HUNK: variants seen among roughly 807,000 people sequenced by gnomAD.
HUNK encodes hormonally up-regulated Neu-associated kinase, also known as hormonally up-regulated neu tumor-associated kinase.
Under a neutral mutation model 61.0 loss-of-function variants are expected in HUNK, and 21 were observed. The observed-to-expected ratio is 0.34, with a 90% CI of 0.24 to 0.50. HUNK has a LOEUF of 0.50. Ranked by LOEUF, HUNK falls within the 20% of genes least tolerant of loss-of-function variation. The pLI, the probability that HUNK is intolerant of heterozygous loss-of-function variation, is 0.98. For synonymous variants in HUNK, 371 were observed against 386.1 expected (o/e 0.96, Z 0.46); for missense variants, 772 against 945.7 (o/e 0.82, Z 2.41).
chr21:31,980,330 A>C (rs1207836977), intron 7 of HUNK, among the ~76,000 whole-genome samples: 1 of 150,500 alleles, frequency 6.6e-6, no homozygotes, highest in Non-Finnish European at 1.5e-5. Context: ...TCGGCCTCCC[A>C]AAGTGCTGGG....
intron 2 of HUNK, among the ~76,000 whole-genome samples, chr21:31,938,370 G>A (rs2052746124): frequency 6.6e-6 from 1 of 152,182 alleles, no homozygotes; most frequent in Non-Finnish European, 1.5e-5. Context: ...TGGGGTTATG[G>A]TTGTTTTAAA....
intron 1 of HUNK, among the ~76,000 whole-genome samples, chr21:31,876,078 G>A (rs67909844): frequency 0.14 from 21,971 of 152,144 alleles, 1,797 homozygotes; most frequent in East Asian, 0.39. Context: ...GCTTCCCCAG[G>A]TGCCCACTCC....
chr21:31,939,054 G>A (rs1353855167), intron 2 of HUNK, among the ~76,000 whole-genome samples: 3 of 152,100 alleles, frequency 2.0e-5, no homozygotes, highest in Non-Finnish European at 4.4e-5. Flanking sequence ...GCTTACAGTC[G>A]CAGGCGCAGA....
intron 10 of HUNK, among the ~76,000 whole-genome samples, chr21:31,997,762 G>A (rs946191603): frequency 2.0e-5 from 3 of 152,130 alleles, no homozygotes; most frequent in Non-Finnish European, 2.9e-5. Context: ...ATGTCACAAG[G>A]GAAACATGTC....
At chr21:31,881,697 G>T (rs540302620) in intron 1 of HUNK, among the ~76,000 whole-genome samples, 1 of 152,108 alleles carries the variant, frequency 6.6e-6, no homozygotes, top group Admixed American at 6.5e-5. Flanking sequence ...TATAGTCCCC[G>T]TAGCAAACAT....
In HUNK at chr21:31,924,476, A is replaced by T. The variant is rs1601381023; in HGVS notation, c.270A>T (p.Ile90=). 4 of 1,612,938 alleles carry T rather than the reference A, an allele frequency of 2.5e-6. No homozygotes were observed. The East Asian group carries it at 8.9e-5, about 36-fold the overall frequency. The change falls in exon 2 of 11, where the codon ATA becomes ATT. Residue 90 remains isoleucine (I), a synonymous_variant. Coordinates refer to ENST00000270112, the MANE Select transcript of HUNK (RefSeq NM_014586.2). The surrounding 1 kb of genome is among the most constrained non-coding windows in gnomAD (Gnocchi z 5.1). ...TCTTGTTTTCTCCTTAGGTGGCCAT[A>T]AAAGTCATTGATAAGAAGAGAGCCA... ...LHVLTGEKVA[I]KVIDKKRAKK... is the part of the protein sequence containing the mutation.
chr21:31,988,456 C>T (rs1375643461), intron 8 of HUNK, among the ~76,000 whole-genome samples: 3 of 152,136 alleles, frequency 2.0e-5, no homozygotes, highest in African/African-American at 4.8e-5. Context: ...GAACTGGATT[C>T]GTCTGCTTGG....
intron 5 of HUNK, among the ~76,000 whole-genome samples, chr21:31,961,435 G>A (rs1256854517): frequency 2.6e-5 from 4 of 152,132 alleles, no homozygotes; most frequent in South Asian, 2.1e-4. Flanking sequence ...TGCTGGGTTG[G>A]GTAGTAAGCA....
chr21:31,979,380 G>A (rs1406950709), intron 7 of HUNK, among the ~76,000 whole-genome samples: 1 of 151,718 alleles, frequency 6.6e-6, no homozygotes, highest in African/African-American at 2.4e-5. Context: ...GCCTCCCAAA[G>A]TGCTGGGATT....
At chr21:31,975,350 CTGAG>C (rs1405486444) in intron 7 of HUNK, among the ~76,000 whole-genome samples, 3 of 152,144 alleles carry the variant, frequency 2.0e-5, no homozygotes, top group African/African-American at 7.2e-5. Flanking sequence ...TTCTGTGTGC[CTGAG>C]TAAGAGAATT....
At chr21:31,883,218 C>T (rs2052321726) in intron 1 of HUNK, among the ~76,000 whole-genome samples, 1 of 151,906 alleles carries the variant, frequency 6.6e-6, no homozygotes, top group Admixed American at 6.6e-5. Context: ...CATTGATAAC[C>T]CTTATAATTT....
chr21:31,945,981 C>T (rs2052799423), intron 3 of HUNK, 55 bp from the exon 4 acceptor site: 3 of 1,545,804 alleles, frequency 1.9e-6, no homozygotes, highest in Admixed American at 1.8e-5. Context: ...GTTCCTCCCT[C>T]TTCATTTCCG....
At chr21:31,931,522 G>A (rs1261892491) in intron 2 of HUNK, among the ~76,000 whole-genome samples, 2 of 152,122 alleles carry the variant, frequency 1.3e-5, no homozygotes, top group Non-Finnish European at 2.9e-5. Context: ...GGGTTCCAGG[G>A]GAGAATCAGA....
intron 2 of HUNK, among the ~76,000 whole-genome samples, chr21:31,932,628 C>G (rs1221546310): frequency 6.6e-6 from 1 of 152,146 alleles, no homozygotes; most frequent in East Asian, 1.9e-4. Flanking sequence ...TGTAAAAACA[C>G]CCTGCACTTA....
In HUNK at chr21:31,924,368, A is replaced by G. The variant is rs2052645050; in HGVS notation, c.262-100A>G. On this transcript the variant is annotated intron_variant, in intron 1 of 10. Coordinates refer to ENST00000270112, the MANE Select transcript of HUNK (RefSeq NM_014586.2). This position sits in a 1 kb window ranked among gnomAD's most constrained non-coding sequence, Gnocchi z 5.1. ...TTTAGGTAAGGTGTTTCTCCTCTGC[A>G]GAGACATAGCTAGCATTTTTCTTGG... The G allele has an allele frequency of 1.9e-6, 2 of 1,039,904 alleles. No homozygotes were observed. The highest frequency in any genetic ancestry group is 2.8e-6 in the Non-Finnish European group (2 of 719,074). 64.4% of individuals were successfully genotyped at this position (1,039,904 alleles called of 1,614,324 possible). A position where few individuals can be genotyped will look rare whatever the true frequency, so the allele number is the denominator to read the frequency against.
chr21:31,975,887 AG>A (rs1204896870), intron 7 of HUNK, among the ~76,000 whole-genome samples: 3 of 152,226 alleles, frequency 2.0e-5, no homozygotes, highest in Non-Finnish European at 4.4e-5. Context: ...GGAGCCGTCT[AG>A]AAAACATTGC....
At chr21:31,887,845 A>G (rs1189179798) in intron 1 of HUNK, among the ~76,000 whole-genome samples, 1 of 152,234 alleles carries the variant, frequency 6.6e-6, no homozygotes, top group Non-Finnish European at 1.5e-5. Context: ...TACCTGGAGC[A>G]GAACACGGGT....
Position 31,964,925 on chromosome 21 carries a change from C to A in HUNK, c.875-3325C>A, listed in dbSNP as rs553850915. Among the ~76,000 whole-genome samples the A allele has an allele frequency of 2.0e-5, 3 of 152,200 alleles. No homozygotes were observed. The South Asian group carries it at 6.2e-4, about 32-fold the overall frequency. The stretch of plus-strand genomic sequence containing the variant: ...GTTGCCCAAGTCTTTTGAGGCAACC[C>A]TGGGTTGTTGCCCAAGTCCTTTGAG... On this transcript the variant is annotated intron_variant, in intron 5 of 10. Transcript: ENST00000270112.
intron 7 of HUNK, among the ~76,000 whole-genome samples, chr21:31,983,085 G>C (rs1475305594): frequency 1.3e-5 from 2 of 152,244 alleles, no homozygotes; most frequent in East Asian, 3.8e-4. Flanking sequence ...TTACAGGTAT[G>C]AGCCACTGCA....
Sources: allele counts gnomAD v4.1 joint callset (sites outside exome capture counted in the v4.1 genomes callset), GRCh38; gene constraint gnomAD v4.1.1; non-coding constraint Gnocchi (gnomAD v3.1); transcripts MANE v1.5; gene names NCBI Gene and HGNC (gene_info 2026-07-23, HGNC 2026-07-21).